The following GPR176 variants were observed in gnomAD, a reference collection of about 807,000 sequenced individuals.
GPR176 encodes the protein G-protein coupled receptor 176.
GPR176 carries 26 observed loss-of-function variants against 35.4 expected under a neutral mutation model. The observed-to-expected ratio is 0.74, with a 90% CI of 0.54 to 1.02. The LOEUF (loss-of-function observed/expected upper bound fraction) is 1.02. GPR176 is among the 50% of genes least tolerant of loss of function. GPR176 has a pLI of 0.00. For synonymous variants in GPR176, 278 were observed against 271.3 expected, an observed-to-expected ratio of 1.02 and a Z score of -0.24; for missense variants, 597 against 665.3, an observed-to-expected ratio of 0.90 and a Z score of 1.13.
In GPR176 at chr15:39,822,751, A is replaced by G. The variant is rs529347548; in HGVS notation, c.173-15493T>C. ...AATTAATAGTTCTTAAAATAATTTT[A>G]TCAGCTTAACTTCTTTCCATCAGTA... On this transcript the variant is annotated intron_variant, in intron 1 of 2. Coordinates refer to ENST00000561100, the MANE Select transcript of GPR176 (RefSeq NM_007223.3). Among the ~76,000 whole-genome samples, 96 of 152,382 alleles carry G rather than the reference A, an allele frequency of 6.3e-4. 2 individuals carry two copies. Among genetic ancestry groups the G allele is most frequent in the African/African-American group, 2.3e-3 (96 of 41,598 alleles).
At chr15:39,815,870 C>T (rs1382037470) in intron 1 of GPR176, among the ~76,000 whole-genome samples, 1 of 152,112 alleles carries the variant, frequency 6.6e-6, no homozygotes, top group Non-Finnish European at 1.5e-5. Flanking sequence ...CAGCATTATT[C>T]CCGATCACCA....
At chr15:39,849,310 A>T (rs1159580567) in intron 1 of GPR176, among the ~76,000 whole-genome samples, 4 of 152,202 alleles carry the variant, frequency 2.6e-5, no homozygotes, top group African/African-American at 9.6e-5. Flanking sequence ...ACTTCCCCCA[A>T]AAAGAAATCT....
chr15:39,916,627 A>G (rs1020403061), intron 1 of GPR176, among the ~76,000 whole-genome samples: 3 of 152,352 alleles, frequency 2.0e-5, no homozygotes, highest in African/African-American at 7.2e-5. Flanking sequence ...TTTAGAGAAT[A>G]TAAGAAGTAT....
At chr15:39,810,038 G>A (rs766648018) in intron 1 of GPR176, among the ~76,000 whole-genome samples, 3 of 151,862 alleles carry the variant, frequency 2.0e-5, no homozygotes, top group Non-Finnish European at 4.4e-5. Context: ...CCAGCTGCTC[G>A]GGAGGCTGAG....
intron 1 of GPR176, among the ~76,000 whole-genome samples, chr15:39,913,977 C>A (rs565785225): frequency 7.9e-5 from 12 of 151,896 alleles, no homozygotes; most frequent in East Asian, 3.9e-4. Context: ...ACCTGGGAGG[C>A]GGACCTCGCA....
chr15:39,830,930 A>T (rs1356693256), intron 1 of GPR176, among the ~76,000 whole-genome samples: 1 of 152,192 alleles, frequency 6.6e-6, no homozygotes, highest in Non-Finnish European at 1.5e-5. Flanking sequence ...CCCAGAGTCA[A>T]TGTCAGTATA....
intron 1 of GPR176, among the ~76,000 whole-genome samples, chr15:39,888,694 C>A (rs2032758045): frequency 6.6e-6 from 1 of 152,174 alleles, no homozygotes; most frequent in South Asian, 2.1e-4. Context: ...ATGTGTAAAT[C>A]ATCTTTCTCT....
chr15:39,836,446 A>G (rs541126392), intron 1 of GPR176, among the ~76,000 whole-genome samples: 4 of 152,208 alleles, frequency 2.6e-5, no homozygotes, highest in African/African-American at 9.6e-5. Context: ...GTCTTCCTGC[A>G]TGAGTGGAAG....
At chr15:39,829,419 T>C (rs1900912745) in intron 1 of GPR176, 3 of 1,004,668 alleles carry the variant, frequency 3.0e-6, no homozygotes, top group Middle Eastern at 4.1e-4. Context: ...TAGAGTGAGG[T>C]TGCAGGATCT....
chr15:39,841,080 C>A (rs1252916827), intron 1 of GPR176, among the ~76,000 whole-genome samples: 1 of 152,128 alleles, frequency 6.6e-6, no homozygotes, highest in African/African-American at 2.4e-5. Flanking sequence ...GTCCTTAAAA[C>A]CTCATTTTTA....
intron 1 of GPR176, among the ~76,000 whole-genome samples, chr15:39,896,677 G>C (rs1394775884): frequency 6.6e-6 from 1 of 152,188 alleles, no homozygotes; most frequent in Non-Finnish European, 1.5e-5. Context: ...CTTAAACTCA[G>C]AGCTGGCTGA....
At chr15:39,878,472 T>TTGTG (rs3066143) in intron 1 of GPR176, among the ~76,000 whole-genome samples, 27,379 of 148,020 alleles carry the variant, frequency 0.18, 2,861 homozygotes, top group East Asian at 0.27. Context: ...CAAATAATAT[T>TTGTG]TGTGTGTGTG....
intron 1 of GPR176, among the ~76,000 whole-genome samples, chr15:39,894,800 TC>T (rs978967028): frequency 1.3e-5 from 2 of 152,132 alleles, no homozygotes; most frequent in Non-Finnish European, 2.9e-5. Context: ...GAGACGCTCC[TC>T]ACTTCCCAGA....
At position 39,919,956 on chromosome 15, in the gene GPR176, G is replaced by A; in HGVS notation, c.71C>T (p.Ala24Val). 1 of 1,492,668 alleles carries A rather than the reference G, an allele frequency of 6.7e-7. No homozygotes were observed. The highest frequency in any genetic ancestry group is 8.9e-7 in the Non-Finnish European group (1 of 1,121,964). 92.5% of individuals were successfully genotyped at this position (1,492,668 alleles called of 1,614,324 possible). A position where few individuals can be genotyped will look rare whatever the true frequency, so the allele number is the denominator to read the frequency against. Residue 24 changes from alanine to valine, a missense_variant, in exon 1 of 3, where the codon GCG becomes GTG. Around this residue, in one of 3 missense-constraint regions of GPR176, gnomAD observed 126 missense variants for 112.4 expected, o/e 1.12. Coordinates refer to ENST00000561100, the MANE Select transcript of GPR176 (RefSeq NM_007223.3). ...CCCGAGCGCGCTGCGGTTCACACCCGCAGCCTCGGCGCCGGACGCGTTGTG... is the reference window on the plus strand; with the variant it reads ...CCCGAGCGCGCTGCGGTTCACACCCACAGCCTCGGCGCCGGACGCGTTGTG... ...EPHNASGAEA[A>V]GVNRSALGEF...
chr15:39,829,606 G>GTTATAAACACTTATA (rs1900928642), intron 1 of GPR176, among the ~76,000 whole-genome samples: 1 of 151,452 alleles, frequency 6.6e-6, no homozygotes, highest in Non-Finnish European at 1.5e-5. Context: ...AAACACTTAT[G>GTTATAAACACTTATA]TTTATTGATT....
chr15:39,809,295 G>A (rs1207241785), intron 1 of GPR176, among the ~76,000 whole-genome samples: 2 of 151,986 alleles, frequency 1.3e-5, no homozygotes, highest in African/African-American at 4.8e-5. Context: ...GACTCATTTG[G>A]TTCTAAGAAC....
At chr15:39,914,518 T>C (rs1374355364) in intron 1 of GPR176, among the ~76,000 whole-genome samples, 2 of 152,100 alleles carry the variant, frequency 1.3e-5, no homozygotes, top group Admixed American at 1.3e-4. Context: ...TTTCACCATG[T>C]TGGCCAGGCT....
At chr15:39,820,830 C>A (rs1318827706) in intron 1 of GPR176, among the ~76,000 whole-genome samples, 1 of 152,128 alleles carries the variant, frequency 6.6e-6, no homozygotes, top group Non-Finnish European at 1.5e-5. Flanking sequence ...GAGAAGAGGG[C>A]AGAAATAGAG....
chr15:39,920,053 C>A lies in GPR176; in HGVS notation c.-27G>T. On this transcript the variant is annotated 5_prime_UTR_variant, in exon 1 of 3. Transcript: ENST00000561100. Reference sequence around the variant, plus strand: ...GCGAGGCTGGGACTCCGGCTCCGCGCGCCGCCCGCCTCGGAGCCCCGCGCG... The same window carrying A: ...GCGAGGCTGGGACTCCGGCTCCGCGAGCCGCCCGCCTCGGAGCCCCGCGCG... 2 of 1,281,806 alleles carry A rather than the reference C, an allele frequency of 1.6e-6. No individual in the cohort carries two copies. The highest frequency in any genetic ancestry group is 9.9e-7 in the Non-Finnish European group (1 of 1,007,822). The allele number at this position is 1,281,806 out of a possible 1,614,324, so 79.4% of individuals were successfully genotyped here.
Sources: allele counts gnomAD v4.1 joint callset (sites outside exome capture counted in the v4.1 genomes callset), GRCh38; gene constraint gnomAD v4.1.1; regional missense constraint gnomAD v4.1.1; transcripts MANE v1.5; gene names NCBI Gene and HGNC (gene_info 2026-07-23, HGNC 2026-07-21).